PIK3R5: variants seen among roughly 807,000 people sequenced by gnomAD.
The protein encoded by PIK3R5 is phosphoinositide-3-kinase regulatory subunit 5.
A neutral mutation model predicts 94.9 loss-of-function variants in PIK3R5; 32 were observed. That is an observed-to-expected ratio of 0.34 (90% CI 0.25 to 0.45). The LOEUF (loss-of-function observed/expected upper bound fraction) is 0.45. Ranked by LOEUF, PIK3R5 falls within the 20% of genes least tolerant of loss-of-function variation. The pLI, the probability that PIK3R5 is intolerant of heterozygous loss-of-function variation, is 1.00. For missense variants in PIK3R5, 853 were observed against 1,144.6 expected (o/e 0.75, Z 3.68); for synonymous variants, 443 against 479.4 (o/e 0.92, Z 0.99).
chr17:8,925,167 GGATA>G lies in PIK3R5; in HGVS notation c.-13-13664_-13-13661del, dbSNP rs1331616548. Among the ~76,000 whole-genome samples the G allele has an allele frequency of 6.6e-6, 1 of 150,438 alleles. No individual in the cohort carries two copies. Among genetic ancestry groups the G allele is most frequent in the East Asian group, 2.0e-4 (1 of 5,118 alleles). On this transcript the variant is annotated intron_variant, in intron 1 of 18. Transcript: ENST00000447110. This position sits in a 1 kb window ranked among gnomAD's most constrained non-coding sequence, Gnocchi z 5.1. ...ATGAATAGATAGCTAGATAGTAGAT[GGATA>G]GATGGGTAGATAGATAGACAGAAAG...
chr17:8,899,294 CTG>C (rs1175642011), intron 5 of PIK3R5, among the ~76,000 whole-genome samples: 1 of 152,198 alleles, frequency 6.6e-6, no homozygotes, highest in Non-Finnish European at 1.5e-5. Context: ...GCAGGATAAA[CTG>C]TTTCATTCAT....
chr17:8,909,420 G>A lies in PIK3R5; in HGVS notation c.104-246C>T, dbSNP rs61759575. 2.7e-3 allele frequency among the ~76,000 whole-genome samples: 418 copies of A among 152,208 alleles called. No homozygotes were observed. Among genetic ancestry groups the A allele is most frequent in the African/African-American group, 9.8e-3 (408 of 41,514 alleles). ...TTCCCCTGCCTCAGCCTCCCAAGTA[G>A]CTGGGATTACAGGCACGTGCCACCG... On this transcript the variant is annotated intron_variant, in intron 2 of 18. Coordinates refer to ENST00000447110, the MANE Select transcript of PIK3R5 (RefSeq NM_001142633.3). The surrounding 1 kb of genome is among the most constrained non-coding windows in gnomAD (Gnocchi z 4.3).
intron 1 of PIK3R5, among the ~76,000 whole-genome samples, chr17:8,926,441 A>G (rs1012685258): frequency 5.3e-5 from 8 of 152,204 alleles, no homozygotes; most frequent in African/African-American, 1.9e-4. Flanking sequence ...CATGCTGCTG[A>G]TAAAGACATA....
chr17:8,962,212 G>A (rs1302330004), intron 1 of PIK3R5, among the ~76,000 whole-genome samples: 1 of 152,146 alleles, frequency 6.6e-6, no homozygotes, highest in Admixed American at 6.5e-5. Context: ...GTGTGACTGT[G>A]AAGATTAAAG....
At chr17:8,886,413 C>T in intron 13 of PIK3R5, 64 bp downstream of exon 13, 1 of 1,602,270 alleles carries the variant, frequency 6.2e-7, no homozygotes. Flanking sequence ...TCTCCCGGGG[C>T]AGGGGTGGGG....
At position 8,954,060 on chromosome 17, in the gene PIK3R5, A is replaced by AAAAAAAAG. The variant is rs199628485; in HGVS notation, c.-14+11528_-14+11535dup. On this transcript the variant is annotated intron_variant, in intron 1 of 18. Transcript: ENST00000447110. ...CCCAGAAAGTGCTCTTTCCTCTGCA[A>AAAAAAAAG]AAAAAAAGAAAAAAAGAAAAAAAGA... 4.6e-5 allele frequency among the ~76,000 whole-genome samples: 7 copies of AAAAAAAAG among 151,842 alleles called. No individual in the cohort carries two copies. The East Asian group carries it at 5.8e-4, about 13-fold the overall frequency.
At chr17:8,886,688 A>G in intron 12 of PIK3R5, 83 bp from the exon 13 acceptor site, 2 of 1,453,378 alleles carry the variant, frequency 1.4e-6, no homozygotes, top group Non-Finnish European at 1.9e-6. Flanking sequence ...GGAGGAAGAG[A>G]GAAGAGAGAC....
At position 8,881,577 on chromosome 17, in the gene PIK3R5, A is replaced by C; in HGVS notation, c.2382+53T>G. On this transcript the variant is annotated intron_variant, in intron 17 of 18. Transcript: ENST00000447110. The surrounding 1 kb of genome is among the most constrained non-coding windows in gnomAD (Gnocchi z 4.8). ...CACACGTACACACATACGCACATGC[A>C]CGCTCCAGTAAGTCTCTTGAGGGTA... is the stretch of plus-strand genomic sequence containing the variant. The C allele has an allele frequency of 2.3e-6, 3 of 1,286,668 alleles. 1 individual carries two copies. In the South Asian group the frequency reaches 3.7e-5, roughly 16 times the overall value. 79.7% of individuals were successfully genotyped at this position (1,286,668 alleles called of 1,614,324 possible). A position where few individuals can be genotyped will look rare whatever the true frequency, so the allele number is the denominator to read the frequency against.
chr17:8,897,142 C>G (rs1315763611), intron 5 of PIK3R5, among the ~76,000 whole-genome samples: 2 of 152,200 alleles, frequency 1.3e-5, no homozygotes, highest in Non-Finnish European at 2.9e-5. Context: ...ATTGGGGACT[C>G]ATGGCTGTGG....
chr17:8,963,143 A>T (rs2091595893), intron 1 of PIK3R5, among the ~76,000 whole-genome samples: 1 of 152,110 alleles, frequency 6.6e-6, no homozygotes, highest in Non-Finnish European at 1.5e-5. Context: ...ATGCCTGGCC[A>T]GCTTTCTTTC....
intron 1 of PIK3R5, among the ~76,000 whole-genome samples, chr17:8,927,657 T>C (rs2090911401): frequency 6.6e-6 from 1 of 152,238 alleles, no homozygotes; most frequent in Non-Finnish European, 1.5e-5. Context: ...CTACCGTTTC[T>C]AGCCAGAGAC....
chr17:8,938,486 AT>A (rs2091116563), intron 1 of PIK3R5, among the ~76,000 whole-genome samples: 1 of 152,162 alleles, frequency 6.6e-6, no homozygotes, highest in Admixed American at 6.5e-5. Context: ...ATCCCAGAAT[AT>A]TTTCATCGCT....
intron 1 of PIK3R5, among the ~76,000 whole-genome samples, chr17:8,948,253 G>T (rs1157104667): frequency 2.0e-5 from 3 of 152,014 alleles, no homozygotes; most frequent in South Asian, 2.1e-4. Context: ...AGGAGCTAAA[G>T]CTTTACCATG....
chr17:8,917,299 C>T (rs1279509304), intron 1 of PIK3R5, among the ~76,000 whole-genome samples: 1 of 152,134 alleles, frequency 6.6e-6, no homozygotes, highest in African/African-American at 2.4e-5. Flanking sequence ...CGATATTTTA[C>T]ATACCCAAAA....
At chr17:8,913,025 G>T (rs1204268633) in intron 1 of PIK3R5, among the ~76,000 whole-genome samples, 1 of 152,230 alleles carries the variant, frequency 6.6e-6, no homozygotes, top group Non-Finnish European at 1.5e-5. Flanking sequence ...GGAGACAGCA[G>T]TGAACCAAGC....
At chr17:8,923,909 T>TC (rs2090806330) in intron 1 of PIK3R5, among the ~76,000 whole-genome samples, 1 of 37,342 alleles carries the variant, frequency 2.7e-5, no homozygotes, top group Non-Finnish European at 5.4e-5. Flanking sequence ...CCCCTCCCCT[T>TC]CCCTTCCCTT....
intron 1 of PIK3R5, among the ~76,000 whole-genome samples, chr17:8,941,532 A>G (rs1369911849): frequency 6.6e-6 from 1 of 152,236 alleles, no homozygotes; most frequent in East Asian, 1.9e-4. Flanking sequence ...AGCAGCCCCA[A>G]TGTTTCCTGT....
In PIK3R5 at chr17:8,881,078, C is replaced by A. The variant is rs1046377349; in HGVS notation, c.2383-61G>T. 1.6e-6 allele frequency: 2 copies of A among 1,272,256 alleles called. No homozygotes were observed. The highest frequency in any genetic ancestry group is 1.5e-5 in the African/African-American group (1 of 68,450). 78.8% of individuals were successfully genotyped at this position (1,272,256 alleles called of 1,614,324 possible). ...GCCATCCAACACTGCCAGCCCCTGG[C>A]AGTTCCTTTTCTCAGAACTGCCCAT... is the stretch of plus-strand genomic sequence containing the variant. On this transcript the variant is annotated intron_variant, in intron 17 of 18. Coordinates refer to ENST00000447110, the MANE Select transcript of PIK3R5 (RefSeq NM_001142633.3). This position sits in a 1 kb window ranked among gnomAD's most constrained non-coding sequence, Gnocchi z 4.8.
intron 1 of PIK3R5, among the ~76,000 whole-genome samples, chr17:8,948,981 A>C (rs1450371248): frequency 6.6e-6 from 1 of 152,192 alleles, no homozygotes; most frequent in East Asian, 1.9e-4. Flanking sequence ...AGCTTCTCCA[A>C]AAAGGTGACT....
Sources: allele counts gnomAD v4.1 joint callset (sites outside exome capture counted in the v4.1 genomes callset), GRCh38; gene constraint gnomAD v4.1.1; non-coding constraint Gnocchi (gnomAD v3.1); transcripts MANE v1.5; gene names NCBI Gene and HGNC (gene_info 2026-07-23, HGNC 2026-07-21).